CTNNA3: variants seen among roughly 807,000 people sequenced by gnomAD.
The protein encoded by CTNNA3 is catenin alpha-3.
CTNNA3 carries 76 observed loss-of-function variants against 95.7 expected under a neutral mutation model. That is an observed-to-expected ratio of 0.79 (90% confidence interval 0.66 to 0.96). CTNNA3 has a LOEUF of 0.96. CTNNA3 is among the 40% of genes least tolerant of loss of function. The pLI is 0.00. For missense variants in CTNNA3, 1,191 were observed against 1,089.8 expected, an observed-to-expected ratio of 1.09 and a Z score of -1.31; for synonymous variants, 431 against 374.4, an observed-to-expected ratio of 1.15 and a Z score of -1.74.
At chr10:67,162,895 A>G (rs1386848173) in intron 7 of CTNNA3, among the ~76,000 whole-genome samples, 1 of 151,992 alleles carries the variant, frequency 6.6e-6, no homozygotes. Flanking sequence ...GATGAAATAA[A>G]CCAATTCCTT....
intron 7 of CTNNA3, among the ~76,000 whole-genome samples, chr10:66,813,149 T>C (rs1159410427): frequency 6.6e-6 from 1 of 152,190 alleles, no homozygotes; most frequent in Non-Finnish European, 1.5e-5. Context: ...TTCAGAGTTT[T>C]GGAATATTCA....
chr10:67,166,139 A>T (rs1861761364), intron 7 of CTNNA3, among the ~76,000 whole-genome samples: 1 of 152,214 alleles, frequency 6.6e-6, no homozygotes, highest in Non-Finnish European at 1.5e-5. Context: ...ATTCCACAGC[A>T]TAAATTATAT....
At position 66,821,454 on chromosome 10, in the gene CTNNA3, G is replaced by A. The variant is rs369887563; in HGVS notation, c.1048-45930C>T. Among the ~76,000 whole-genome samples, 67 of 152,174 alleles carry A rather than the reference G, an allele frequency of 4.4e-4. 1 individual carries two copies. The East Asian group carries it at 0.012, about 26-fold the overall frequency. On this transcript the variant is annotated intron_variant, in intron 7 of 17. Coordinates refer to ENST00000433211, the MANE Select transcript of CTNNA3 (RefSeq NM_013266.4). Reference sequence around the variant, plus strand: ...TAATAGGAGTTGATGTGAAAAAAGTGGTAGGAAAGATATAAACTGAGGAAT... The same window carrying A: ...TAATAGGAGTTGATGTGAAAAAAGTAGTAGGAAAGATATAAACTGAGGAAT...
intron 10 of CTNNA3, among the ~76,000 whole-genome samples, chr10:66,553,572 G>T (rs1842295010): frequency 7.9e-6 from 1 of 126,080 alleles, no homozygotes; most frequent in Admixed American, 1.0e-4. Flanking sequence ...TGTCACCCAG[G>T]CTGGAGTGCA....
At chr10:66,093,469 T>A (rs549686348) in intron 14 of CTNNA3, among the ~76,000 whole-genome samples, 1 of 151,936 alleles carries the variant, frequency 6.6e-6, no homozygotes, top group Non-Finnish European at 1.5e-5. Context: ...GAAGAACTTT[T>A]GAAAGGAAGT....
intron 7 of CTNNA3, among the ~76,000 whole-genome samples, chr10:67,167,953 T>C (rs1861851274): frequency 1.3e-5 from 2 of 152,100 alleles, no homozygotes; most frequent in Admixed American, 1.3e-4. Flanking sequence ...GCCAACATGG[T>C]GAAACCCCAT....
At chr10:67,380,964 A>G (rs1430289648) in intron 5 of CTNNA3, among the ~76,000 whole-genome samples, 3 of 152,214 alleles carry the variant, frequency 2.0e-5, no homozygotes, top group African/African-American at 7.2e-5. Context: ...CAAGGGCTTC[A>G]GGTACCATAT....
chr10:67,444,993 T>C (rs1589296864), intron 5 of CTNNA3, among the ~76,000 whole-genome samples: 1 of 152,052 alleles, frequency 6.6e-6, no homozygotes, highest in Middle Eastern at 3.4e-3. Flanking sequence ...TACTACAATA[T>C]AGTTTATGAA....
At chr10:66,013,553 G>T (rs750395656) in intron 15 of CTNNA3, among the ~76,000 whole-genome samples, 3 of 152,110 alleles carry the variant, frequency 2.0e-5, no homozygotes, top group South Asian at 2.1e-4. Flanking sequence ...TTGCTAACGC[G>T]CTTTTAACTG....
chr10:67,354,726 G>A (rs145279515), intron 5 of CTNNA3, among the ~76,000 whole-genome samples: 2 of 152,076 alleles, frequency 1.3e-5, no homozygotes, highest in African/African-American at 4.8e-5. Flanking sequence ...AGTAGGCTTG[G>A]AAAAGTATGT....
intron 11 of CTNNA3, among the ~76,000 whole-genome samples, chr10:66,467,034 G>A (rs1304374741): frequency 2.0e-5 from 3 of 152,046 alleles, no homozygotes; most frequent in African/African-American, 7.2e-5. Flanking sequence ...GCACACAGTA[G>A]GCATGCAATA....
In CTNNA3 at chr10:67,225,802, G is replaced by A. The variant is rs79521440; in HGVS notation, c.580-5932C>T. 1.2e-3 allele frequency among the ~76,000 whole-genome samples: 177 copies of A among 152,238 alleles called. 1 individual carries two copies. The East Asian group carries it at 0.019, about 16-fold the overall frequency. ...ACCAGAAAAAAAAATCTGGTAATAT[G>A]ACAAAACAAGGCTCTTTAGCACCCC... is the stretch of plus-strand genomic sequence containing the variant. On this transcript the variant is annotated intron_variant, in intron 5 of 17. Transcript: ENST00000433211.
intron 9 of CTNNA3, among the ~76,000 whole-genome samples, chr10:66,654,237 T>C (rs1000246998): frequency 2.6e-5 from 4 of 151,878 alleles, no homozygotes; most frequent in Non-Finnish European, 5.9e-5. Flanking sequence ...AAAATGTATG[T>C]GAAACTCCTC....
intron 1 of CTNNA3, among the ~76,000 whole-genome samples, chr10:67,760,245 C>T (rs751676029): frequency 6.6e-6 from 1 of 152,158 alleles, no homozygotes; most frequent in Non-Finnish European, 1.5e-5. Flanking sequence ...ACAACACATT[C>T]GTTATCTGAC....
chr10:67,700,192 G>C (rs910469381), upstream of CTNNA3, among the ~76,000 whole-genome samples: 2 of 152,244 alleles, frequency 1.3e-5, no homozygotes, highest in African/African-American at 4.8e-5. Flanking sequence ...ACCTCTGGGG[G>C]CAGGGCACAG....
chr10:67,489,788 T>TTATATATATATATATATATATATA (rs372899542), intron 5 of CTNNA3, among the ~76,000 whole-genome samples: 8 of 142,452 alleles, frequency 5.6e-5, no homozygotes, highest in African/African-American at 2.2e-4. Context: ...ATACATGATT[T>TTATATATATATATATATATATATA]TATATATATA....
intron 11 of CTNNA3, among the ~76,000 whole-genome samples, chr10:66,484,615 A>C (rs2131913157): frequency 6.6e-6 from 1 of 152,124 alleles, no homozygotes; most frequent in South Asian, 2.1e-4. Context: ...AATCAGAAAA[A>C]CTATATAAAT....
At chr10:67,099,713 C>T (rs186412103) in intron 7 of CTNNA3, 1 of 152,244 alleles carries the variant, frequency 6.6e-6, no homozygotes, top group East Asian at 1.9e-4. Context: ...AAACACAGTA[C>T]TTGTGTCAAC....
intron 17 of CTNNA3, among the ~76,000 whole-genome samples, chr10:65,925,390 C>T (rs944163231): frequency 1.3e-5 from 2 of 152,178 alleles, no homozygotes; most frequent in South Asian, 4.1e-4. Flanking sequence ...CTCTTCCTCT[C>T]TACCTTCTTG....
Sources: gnomAD v4.1 joint callset for allele counts (sites outside exome capture counted in the v4.1 genomes callset) on GRCh38, gnomAD v4.1.1 for gene constraint, MANE v1.5 for transcripts, NCBI Gene and HGNC (gene_info 2026-07-23, HGNC 2026-07-21) for gene names.